Variants in MUC4 observed in about 807,000 individuals in gnomAD.
The protein encoded by MUC4 is mucin 4, cell surface associated.
Under a neutral mutation model 257.9 loss-of-function variants are expected in MUC4, and 202 were observed. The observed-to-expected ratio is 0.78, with a 90% CI of 0.70 to 0.88. The LOEUF is 0.88. Among genes scored for constraint, MUC4 ranks in the 40% least tolerant of loss-of-function variants. The pLI, the probability that MUC4 is intolerant of heterozygous loss-of-function variation, is 0.00. For missense variants in MUC4, 5,976 were observed against 6,513.7 expected (o/e 0.92, Z 2.84); for synonymous variants, 2,351 against 2,757.1 (o/e 0.85, Z 4.62).
chr3:195,800,919 T>C (rs951245674), intron 1 of MUC4, among the ~76,000 whole-genome samples: 2 of 147,936 alleles, frequency 1.4e-5, no homozygotes, highest in Non-Finnish European at 3.0e-5. Context: ...AAAGTGGTTC[T>C]CAAAAGGCAG....
chr3:195,773,099 C>T (rs1723465794), intron 4 of MUC4, among the ~76,000 whole-genome samples: 1 of 144,246 alleles, frequency 6.9e-6, no homozygotes, highest in Non-Finnish European at 1.5e-5. Context: ...GTGTAGACAT[C>T]CTCTCTCCAT....
rs1725280094 is a variant in MUC4, at chr3:195,777,838, ATCC to A, written c.12943+462_12943+464del. ...TACCTTCCACACCCATACCTTCCAC[ATCC>A]ATACCTTCCACACCCATACCTTCCA... On this transcript the variant is annotated intron_variant, in intron 3 of 24. Transcript: ENST00000463781. Among the ~76,000 whole-genome samples, 2 of 51,818 alleles carry A rather than the reference ATCC, an allele frequency of 3.9e-5. 1 individual carries two copies. Among genetic ancestry groups the A allele is most frequent in the African/African-American group, 1.8e-4 (2 of 11,056 alleles). The allele number at this position is 51,818 out of a possible 152,430, so 34.0% of individuals were successfully genotyped here.
chr3:195,754,148 G>A lies in MUC4; in HGVS notation c.15328+65C>T, dbSNP rs567436393. ...GGAGAGAAATGGTTTGCCTTTGGCT[G>A]TCTACACCCTTGAGCTATCAGCTGC... On this transcript the variant is annotated intron_variant, in intron 19 of 24. Coordinates refer to ENST00000463781, the MANE Select transcript of MUC4 (RefSeq NM_018406.7). 4.6e-6 allele frequency: 7 copies of A among 1,538,376 alleles called. No homozygotes were observed. In the African/African-American group the frequency reaches 8.3e-5, roughly 18 times the overall value.
Position 195,790,086 on chromosome 3 carries a change from T to C in MUC4, c.1494A>G (p.Thr498=), listed in dbSNP as rs1733669333. The C allele has an allele frequency of 6.2e-7, 1 of 1,613,926 alleles. No individual in the cohort carries two copies. The highest frequency in any genetic ancestry group is 1.1e-5 in the South Asian group (1 of 91,088). Residue 498 remains threonine (T), a synonymous_variant, in exon 2 of 25, where the codon ACA becomes ACG. Coordinates refer to ENST00000463781, the MANE Select transcript of MUC4 (RefSeq NM_018406.7). ...AGGGCAGTTCTGTTTGTGACCAAGTTGTGTGGCCTTTGCTGGAGAATGAGG... is the reference window on the plus strand; with the variant it reads ...AGGGCAGTTCTGTTTGTGACCAAGTCGTGTGGCCTTTGCTGGAGAATGAGG... ...WPSSFSSKGH[T]TWSQTELPST... is the part of the protein sequence containing the mutation.
At chr3:195,799,130 C>G (rs746536512) in intron 1 of MUC4, among the ~76,000 whole-genome samples, 1 of 152,112 alleles carries the variant, frequency 6.6e-6, no homozygotes, top group African/African-American at 2.4e-5. Flanking sequence ...AATGAGAGCT[C>G]GGGGGTCATG....
At position 195,783,238 on chromosome 3, in the gene MUC4, T is replaced by G; in HGVS notation, c.8342A>C (p.His2781Pro). 1 of 1,464,726 alleles carries G rather than the reference T, an allele frequency of 6.8e-7. No homozygotes were observed. Among genetic ancestry groups the G allele is most frequent in the East Asian group, 2.5e-5 (1 of 40,690 alleles). The allele number at this position is 1,464,726 out of a possible 1,614,324, so 90.7% of individuals were successfully genotyped here. A position where few individuals can be genotyped will look rare whatever the true frequency, so the allele number is the denominator to read the frequency against. ...GCTGGTGACATGAAGAGGGGTGGCGTGACCTGTGGATACTGAGGAAGTGTT... is the reference window on the plus strand; with the variant it reads ...GCTGGTGACATGAAGAGGGGTGGCGGGACCTGTGGATACTGAGGAAGTGTT... ...VTNTSSVSTGHATPLHVTSPS... is the reference protein window; with the variant it reads ...VTNTSSVSTGPATPLHVTSPS... Residue 2781 changes from histidine (H) to proline (P), a missense_variant, in exon 2 of 25, where the codon CAC (histidine) becomes CCC (proline). Around this residue, in one of 44 missense-constraint regions of MUC4, gnomAD observed 228 missense variants for 206.3 expected, o/e 1.11. Coordinates refer to ENST00000463781, the MANE Select transcript of MUC4 (RefSeq NM_018406.7).
At chr3:195,758,496 AT>A (rs1718101090) in intron 17 of MUC4, among the ~76,000 whole-genome samples, 1 of 151,766 alleles carries the variant, frequency 6.6e-6, no homozygotes, top group South Asian at 2.1e-4. Flanking sequence ...GCACTTGATT[AT>A]TCTAATAATT....
At chr3:195,775,635 C>CCATACCTTCCACAGT (rs1724371852) in intron 3 of MUC4, among the ~76,000 whole-genome samples, 1 of 64,920 alleles carries the variant, frequency 1.5e-5, no homozygotes. Flanking sequence ...CCTTCCACAC[C>CCATACCTTCCACAGT]CATACCTTCC....
chr3:195,774,315 G>C lies in MUC4; in HGVS notation c.12944-10C>G. 1.3e-6 allele frequency: 2 copies of C among 1,520,056 alleles called. No homozygotes were observed. Among genetic ancestry groups the C allele is most frequent in the East Asian group, 2.4e-5 (1 of 40,888 alleles). The allele number at this position is 1,520,056 out of a possible 1,614,324, so 94.2% of individuals were successfully genotyped here. A position where few individuals can be genotyped will look rare whatever the true frequency, so the allele number is the denominator to read the frequency against. On this transcript the variant is annotated splice_polypyrimidine_tract_variant and intron_variant, in intron 3 of 24. Coordinates refer to ENST00000463781, the MANE Select transcript of MUC4 (RefSeq NM_018406.7). ...GGGAAGAGGGAAACTCCTGGGCCAG[G>C]ACAGAGAAGAGCAGGAAGTCCAAGT...
At chr3:195,800,890 G>GAAA (rs59625247) in intron 1 of MUC4, among the ~76,000 whole-genome samples, 6,409 of 91,140 alleles carry the variant, frequency 0.07, 233 homozygotes, top group Middle Eastern at 0.12. Flanking sequence ...CCCCTTCTCT[G>GAAA]AAAAAAAAAA....
rs542919815 is a variant in MUC4, at chr3:195,789,535, A to T, written c.2045T>A (p.Val682Asp). 1 of 1,613,618 alleles carries T rather than the reference A, an allele frequency of 6.2e-7. No individual in the cohort carries two copies. Among genetic ancestry groups the T allele is most frequent in the Non-Finnish European group, 8.5e-7 (1 of 1,179,840 alleles). ...ACTTATGGTGGGTGCGTCCTGAGGAACAATTTCTGAGGGCGAGTGCCCACT... is the reference window on the plus strand; with the variant it reads ...ACTTATGGTGGGTGCGTCCTGAGGATCAATTTCTGAGGGCGAGTGCCCACT... ...TASGHSPSEI[V>D]PQDAPTISAA... is the part of the protein sequence containing the mutation. The change falls in exon 2 of 25, where the codon GTT becomes GAT. Residue 682 changes from valine to aspartate, a missense_variant. By Grantham distance (152) the Val-to-Asp change is radical. Coordinates refer to ENST00000463781, the MANE Select transcript of MUC4 (RefSeq NM_018406.7).
chr3:195,765,247 G>T (rs562554181), intron 9 of MUC4, 23 bp downstream of exon 9: 16 of 1,597,188 alleles, frequency 1.0e-5, no homozygotes, highest in East Asian at 2.2e-5. Flanking sequence ...GTGGGCTTGT[G>T]GGGGGCGGGA....
intron 1 of MUC4, among the ~76,000 whole-genome samples, chr3:195,796,552 A>G (rs1369041535): frequency 6.6e-6 from 1 of 151,618 alleles, no homozygotes; most frequent in African/African-American, 2.4e-5. Context: ...TTAGCTGGGC[A>G]TGGTGGCAGG....
At chr3:195,801,301 A>G (rs1287702292) in intron 1 of MUC4, among the ~76,000 whole-genome samples, 1 of 152,098 alleles carries the variant, frequency 6.6e-6, no homozygotes, top group East Asian at 1.9e-4. Context: ...TTTGCGCCTA[A>G]AGAGTTGATA....
At chr3:195,808,995 C>T (rs2149084208) in intron 1 of MUC4, among the ~76,000 whole-genome samples, 1 of 152,296 alleles carries the variant, frequency 6.6e-6, no homozygotes, top group Non-Finnish European at 1.5e-5. Context: ...CAGCCTGTCA[C>T]CTCCCTGGGG....
Position 195,761,536 on chromosome 3 carries a change from G to A in MUC4, c.14562C>T (p.Ser4854=). ...PEDDFRMPNG[S]TIPPGSPEEM... ...CCTCAGGGCTCCCTGGGGGAATGGT[G>A]GAGCCATTGGGCATCCTGAAGTCGT... The change falls in exon 15 of 25, where the codon TCC becomes TCT. Residue 4854 remains serine, a synonymous_variant. Coordinates refer to ENST00000463781, the MANE Select transcript of MUC4 (RefSeq NM_018406.7). The A allele has an allele frequency of 1.2e-6, 2 of 1,614,168 alleles. No individual in the cohort carries two copies. The highest frequency in any genetic ancestry group is 2.2e-5 in the South Asian group (2 of 91,084).
intron 1 of MUC4, among the ~76,000 whole-genome samples, chr3:195,794,091 T>TAAC (rs1734236774): frequency 7.1e-6 from 1 of 141,412 alleles, no homozygotes; most frequent in African/African-American, 2.5e-5. Flanking sequence ...AAAATAAAAA[T>TAAC]AATAATAATA....
At chr3:195,767,361 T>TCGCCAGCACTACC (rs1720739653) in intron 7 of MUC4, among the ~76,000 whole-genome samples, 1 of 151,308 alleles carries the variant, frequency 6.6e-6, no homozygotes, top group Non-Finnish European at 1.5e-5. Flanking sequence ...CCACTGCTGC[T>TCGCCAGCACTACC]ACCACCACCA....
chr3:195,787,945 C>T lies in MUC4; in HGVS notation c.3635G>A (p.Gly1212Glu), dbSNP rs568526707. Residue 1212 changes from glycine (G) to glutamate (E), a missense_variant, in exon 2 of 25, where the codon GGA (glycine) becomes GAA (glutamate). Gly to Glu is a moderately conservative substitution (Grantham distance 98). This residue lies in a region of MUC4 where 90 missense variants were observed against 106.2 expected (regional missense o/e 0.85). Transcript: ENST00000463781. ...LVTDTSSAST[G>E]HATPLPVTDA... Reference sequence around the variant, plus strand: ...GGTGACAGGAAGAGGGGTGGCGTGTCCTGTGGATGCTGAGGAAGTGTCGGT... The same window carrying T: ...GGTGACAGGAAGAGGGGTGGCGTGTTCTGTGGATGCTGAGGAAGTGTCGGT... 3.5e-6 allele frequency: 4 copies of T among 1,144,962 alleles called. 1 individual carries two copies. The highest frequency in any genetic ancestry group is 3.5e-6 in the Non-Finnish European group (3 of 849,054). The allele number at this position is 1,144,962 out of a possible 1,614,324, so 70.9% of individuals were successfully genotyped here.
Sources: gnomAD v4.1 joint callset for allele counts (sites outside exome capture counted in the v4.1 genomes callset) on GRCh38, gnomAD v4.1.1 for gene constraint, gnomAD v4.1.1 regional missense constraint, MANE v1.5 for transcripts, NCBI Gene and HGNC (gene_info 2026-07-23, HGNC 2026-07-21) for gene names.